The following GRID2 variants were observed in gnomAD, a reference collection of about 807,000 sequenced individuals.
The protein encoded by GRID2 is glutamate receptor ionotropic, delta-2.
In GRID2, 33 loss-of-function variants were observed where a neutral mutation model predicts 114.8. That is an observed-to-expected ratio of 0.29 (90% CI 0.22 to 0.38). GRID2 has a LOEUF of 0.38. GRID2 is among the 10% of genes least tolerant of loss of function. The pLI is 1.00. For missense variants in GRID2, 1,184 were observed against 1,257.7 expected, an observed-to-expected ratio of 0.94 and a Z score of 0.89; for synonymous variants, 505 against 449.9, an observed-to-expected ratio of 1.12 and a Z score of -1.55.
chr4:93,024,364 G>A (rs935391388), intron 2 of GRID2, among the ~76,000 whole-genome samples: 4 of 151,460 alleles, frequency 2.6e-5, no homozygotes, highest in Non-Finnish European at 1.5e-5. Flanking sequence ...AGCTTATGGG[G>A]CATAAATTAC....
intron 8 of GRID2, among the ~76,000 whole-genome samples, chr4:93,286,312 A>T (rs1397514304): frequency 6.6e-6 from 1 of 152,148 alleles, no homozygotes; most frequent in Non-Finnish European, 1.5e-5. Flanking sequence ...TTAACCAGAA[A>T]ATTTAGATTA....
intron 2 of GRID2, among the ~76,000 whole-genome samples, chr4:92,864,017 A>T (rs902839933): frequency 1.3e-5 from 2 of 152,200 alleles, no homozygotes; most frequent in African/African-American, 4.8e-5. Context: ...AACAGAATAG[A>T]CACGCCTCAA....
intron 2 of GRID2, among the ~76,000 whole-genome samples, chr4:92,923,539 T>C (rs908879642): frequency 3.9e-5 from 6 of 152,216 alleles, no homozygotes; most frequent in Admixed American, 3.9e-4. Context: ...ATAAATACTT[T>C]AGAATACTTA....
chr4:93,508,694 A>T (rs1377674426), intron 12 of GRID2, among the ~76,000 whole-genome samples: 1 of 152,180 alleles, frequency 6.6e-6, no homozygotes, highest in Non-Finnish European at 1.5e-5. Context: ...TGTTTTCCAG[A>T]CCCTGGGCTA....
At chr4:92,729,614 C>T (rs951964381) in intron 2 of GRID2, among the ~76,000 whole-genome samples, 7 of 152,086 alleles carry the variant, frequency 4.6e-5, no homozygotes, top group Admixed American at 3.3e-4. Context: ...TTCAGAAATT[C>T]TATGCAATTT....
chr4:93,354,825 T>C (rs1761166721), intron 8 of GRID2, among the ~76,000 whole-genome samples: 1 of 146,244 alleles, frequency 6.8e-6, no homozygotes, highest in African/African-American at 2.5e-5. Context: ...GATATATATA[T>C]ATATATAATA....
chr4:93,160,206 A>T (rs1198900599), intron 4 of GRID2, among the ~76,000 whole-genome samples: 1 of 151,846 alleles, frequency 6.6e-6, no homozygotes, highest in Non-Finnish European at 1.5e-5. Context: ...TGGATTGACA[A>T]GGAAACAAGA....
chr4:93,194,857 T>C (rs528643254), intron 4 of GRID2, among the ~76,000 whole-genome samples: 74 of 152,306 alleles, frequency 4.9e-4, no homozygotes, highest in African/African-American at 1.7e-3. Flanking sequence ...TCAGAAACTA[T>C]TGGGGTAGGC....
chr4:92,361,179 A>G (rs1728601450), intron 1 of GRID2, among the ~76,000 whole-genome samples: 1 of 151,976 alleles, frequency 6.6e-6, no homozygotes, highest in South Asian at 2.1e-4. Context: ...GTGAGATCAA[A>G]TGACCTTTCT....
Position 92,863,700 on chromosome 4 carries a change from C to T in GRID2, c.245-221295C>T, listed in dbSNP as rs568509221. ...TCATTTTATGGTTTTGAGAACATGT[C>T]GGGAAGTATAGCTGAAAATTCCGTG... On this transcript the variant is annotated intron_variant, in intron 2 of 15. Coordinates refer to ENST00000282020, the MANE Select transcript of GRID2 (RefSeq NM_001510.4). Among the ~76,000 whole-genome samples the T allele has an allele frequency of 8.5e-5, 13 of 152,118 alleles. No homozygotes were observed. In the South Asian group the frequency reaches 1.9e-3, roughly 22 times the overall value.
At chr4:92,735,579 A>G (rs1736552098) in intron 2 of GRID2, among the ~76,000 whole-genome samples, 2 of 152,242 alleles carry the variant, frequency 1.3e-5, no homozygotes, top group South Asian at 4.1e-4. Flanking sequence ...CTTTACGTAA[A>G]GATTTAAGTT....
At chr4:93,206,379 C>T (rs143026532) in intron 4 of GRID2, among the ~76,000 whole-genome samples, 1 of 151,986 alleles carries the variant, frequency 6.6e-6, no homozygotes, top group South Asian at 2.1e-4. Context: ...ATGCAATTCA[C>T]CTTCTATAAC....
At chr4:92,871,145 TCTC>T (rs1336481738) in intron 2 of GRID2, among the ~76,000 whole-genome samples, 1 of 152,150 alleles carries the variant, frequency 6.6e-6, no homozygotes, top group Non-Finnish European at 1.5e-5. Flanking sequence ...CAAAAAGTCT[TCTC>T]TCCTGGAGTT....
At chr4:92,751,808 T>C (rs189272533) in intron 2 of GRID2, among the ~76,000 whole-genome samples, 7 of 152,356 alleles carry the variant, frequency 4.6e-5, no homozygotes, top group African/African-American at 9.6e-5. Context: ...GCAAAAAATA[T>C]GCACAACTCT....
At chr4:92,335,931 T>A (rs1371743777) in intron 1 of GRID2, among the ~76,000 whole-genome samples, 3 of 152,208 alleles carry the variant, frequency 2.0e-5, no homozygotes, top group Non-Finnish European at 4.4e-5. Context: ...TTTTTTACTT[T>A]ATTTTATGAG....
At chr4:92,516,333 G>A (rs1724500043) in intron 1 of GRID2, among the ~76,000 whole-genome samples, 1 of 151,798 alleles carries the variant, frequency 6.6e-6, no homozygotes, top group Non-Finnish European at 1.5e-5. Context: ...GAGTAACTTT[G>A]TAGGCAATCA....
chr4:92,625,999 G>T (rs1463672771), intron 2 of GRID2, among the ~76,000 whole-genome samples: 1 of 151,652 alleles, frequency 6.6e-6, no homozygotes. Flanking sequence ...CTGATTTTTG[G>T]CATCAGGGAA....
At chr4:93,569,470 T>C (rs1330719900) in intron 13 of GRID2, among the ~76,000 whole-genome samples, 1 of 152,170 alleles carries the variant, frequency 6.6e-6, no homozygotes, top group African/African-American at 2.4e-5. Context: ...AAAGCTTCCA[T>C]AATTTTACCT....
chr4:92,373,328 G>A (rs1729204135), intron 1 of GRID2, among the ~76,000 whole-genome samples: 1 of 152,154 alleles, frequency 6.6e-6, no homozygotes, highest in African/African-American at 2.4e-5. Context: ...GTAGTGGTCT[G>A]ATGTTGTCCA....
Sources: gnomAD v4.1 joint callset for allele counts (sites outside exome capture counted in the v4.1 genomes callset) on GRCh38, gnomAD v4.1.1 for gene constraint, MANE v1.5 for transcripts, NCBI Gene and HGNC (gene_info 2026-07-23, HGNC 2026-07-21) for gene names.